CNTN6: variants seen among roughly 807,000 people sequenced by gnomAD.
CNTN6 encodes the protein contactin-6.
CNTN6 carries 137 observed loss-of-function variants against 122.8 expected under a neutral mutation model. The ratio of observed to expected loss-of-function variants is 1.12; its 90% CI spans 0.97 to 1.29. CNTN6 has a LOEUF of 1.29. CNTN6 is among the 50% of genes most tolerant of loss of function. The probability of loss-of-function intolerance (pLI) is 0.00; values close to 1 mark genes in which losing one functional copy is unlikely to be tolerated. For missense variants in CNTN6, 1,634 were observed against 1,223.4 expected (o/e 1.34, Z -5.01); for synonymous variants, 570 against 426.0 (o/e 1.34, Z -4.16).
intron 11 of CNTN6, among the ~76,000 whole-genome samples, chr3:1,343,966 T>C (rs772858602): frequency 6.6e-6 from 1 of 152,076 alleles, no homozygotes; most frequent in Non-Finnish European, 1.5e-5. Flanking sequence ...CAAAAACTTA[T>C]CTAAAAAGAA....
intron 11 of CNTN6, among the ~76,000 whole-genome samples, chr3:1,350,355 CA>C (rs902448833): frequency 2.6e-5 from 4 of 151,710 alleles, no homozygotes; most frequent in Admixed American, 2.6e-4. Context: ...AAACGTAAGG[CA>C]AAGTAATGGT....
chr3:1,201,353 G>A (rs1358633208), intron 2 of CNTN6, among the ~76,000 whole-genome samples: 1 of 151,994 alleles, frequency 6.6e-6, no homozygotes, highest in Non-Finnish European at 1.5e-5. Context: ...ATGTTTGACT[G>A]AATGGTTTTA....
intron 4 of CNTN6, among the ~76,000 whole-genome samples, chr3:1,261,789 G>C (rs2094850605): frequency 6.6e-6 from 1 of 152,074 alleles, no homozygotes; most frequent in African/African-American, 2.4e-5. Flanking sequence ...GAAAATTCAA[G>C]AAATTAGCTT....
In CNTN6 at chr3:1,183,326, A is replaced by G. The variant is rs3772362; in HGVS notation, c.55+35263A>G. On this transcript the variant is annotated intron_variant, in intron 2 of 22. Coordinates refer to ENST00000446702, the MANE Select transcript of CNTN6 (RefSeq NM_001289080.2). ...GCACTCAAAGACTTACTATGGCTTA[A>G]TATCTATTATTAATCAATTAGTATT... Among the ~76,000 whole-genome samples the G allele has an allele frequency of 8.7e-4, 133 of 152,320 alleles. 2 individuals are homozygous for G. The East Asian group carries it at 0.024, about 27-fold the overall frequency.
chr3:1,116,976 T>C (rs781021829), intron 1 of CNTN6, among the ~76,000 whole-genome samples: 10 of 152,108 alleles, frequency 6.6e-5, no homozygotes, highest in Non-Finnish European at 1.0e-4. Context: ...AATTTCCCTC[T>C]GTGGCTTCAC....
intron 2 of CNTN6, among the ~76,000 whole-genome samples, chr3:1,191,523 A>G (rs977159606): frequency 6.6e-6 from 1 of 152,086 alleles, no homozygotes; most frequent in African/African-American, 2.4e-5. Context: ...TGCACATAGG[A>G]CCCTTCTGGA....
At chr3:1,279,410 G>C (rs7615937) in intron 5 of CNTN6, among the ~76,000 whole-genome samples, 1 of 152,204 alleles carries the variant, frequency 6.6e-6, no homozygotes, top group East Asian at 1.9e-4. Context: ...ATAACAGCAA[G>C]GACTTACACA....
chr3:1,209,028 C>G (rs1355175321), intron 2 of CNTN6, among the ~76,000 whole-genome samples: 3 of 152,112 alleles, frequency 2.0e-5, no homozygotes, highest in Non-Finnish European at 4.4e-5. Context: ...TTATTTTGGT[C>G]TGGCTTTAAC....
chr3:1,249,786 T>A (rs1232493633), intron 4 of CNTN6, among the ~76,000 whole-genome samples: 3 of 152,220 alleles, frequency 2.0e-5, no homozygotes, highest in Non-Finnish European at 4.4e-5. Context: ...TAGTAGGGTA[T>A]GTCCCTTGAG....
At chr3:1,260,606 C>G (rs1292901067) in intron 4 of CNTN6, among the ~76,000 whole-genome samples, 1 of 152,020 alleles carries the variant, frequency 6.6e-6, no homozygotes, top group Non-Finnish European at 1.5e-5. Context: ...TTGGCTGTGT[C>G]CCTGCCCAAA....
At chr3:1,126,665 A>G (rs2092172241) in intron 1 of CNTN6, among the ~76,000 whole-genome samples, 1 of 151,886 alleles carries the variant, frequency 6.6e-6, no homozygotes, top group Admixed American at 6.6e-5. Context: ...TAGCACACTC[A>G]TCAATCAATA....
chr3:1,300,496 A>AGG, intron 7 of CNTN6, among the ~76,000 whole-genome samples: 2 of 119,818 alleles, frequency 1.7e-5, no homozygotes, highest in Non-Finnish European at 3.7e-5. Flanking sequence ...AGGAAGGAAA[A>AGG]AGAAAAGAAA....
chr3:1,364,088 CA>C (rs1413144085), intron 12 of CNTN6, among the ~76,000 whole-genome samples: 3 of 151,746 alleles, frequency 2.0e-5, no homozygotes, highest in East Asian at 1.9e-4. Flanking sequence ...TCAGTTTCTA[CA>C]GTTGGAAGGA....
intron 6 of CNTN6, among the ~76,000 whole-genome samples, chr3:1,296,762 G>A (rs532208969): frequency 3.3e-5 from 5 of 152,236 alleles, no homozygotes; most frequent in East Asian, 3.9e-4. Flanking sequence ...TTATTCCTAA[G>A]TCCAATTTAT....
At chr3:1,295,911 G>A (rs1013735162) in intron 6 of CNTN6, 107 bp downstream of exon 6, 13 of 935,988 alleles carry the variant, frequency 1.4e-5, no homozygotes, top group Middle Eastern at 3.0e-4. Context: ...GCCAAATTAC[G>A]AGTTTAGGTT....
At chr3:1,116,575 T>C (rs1192157374) in intron 1 of CNTN6, among the ~76,000 whole-genome samples, 1 of 152,054 alleles carries the variant, frequency 6.6e-6, no homozygotes, top group Non-Finnish European at 1.5e-5. Flanking sequence ...ATATGGAATA[T>C]GGATGGAAAG....
At chr3:1,093,696 C>T (rs1482566108) in intron 1 of CNTN6, among the ~76,000 whole-genome samples, 1 of 152,014 alleles carries the variant, frequency 6.6e-6, no homozygotes, top group Non-Finnish European at 1.5e-5. Flanking sequence ...TGCTTTATAC[C>T]CAGCTTCTAG....
chr3:1,108,959 A>T, intron 1 of CNTN6, among the ~76,000 whole-genome samples: 1 of 152,178 alleles, frequency 6.6e-6, no homozygotes, highest in East Asian at 1.9e-4. Context: ...AAATATTTAA[A>T]GCAATTGTAG....
chr3:1,205,115 G>T (rs2125447092), intron 2 of CNTN6, among the ~76,000 whole-genome samples: 1 of 152,232 alleles, frequency 6.6e-6, no homozygotes, highest in East Asian at 1.9e-4. Flanking sequence ...TCAACATGCT[G>T]TTCCTGATTT....
Sources: allele counts gnomAD v4.1 joint callset (sites outside exome capture counted in the v4.1 genomes callset), GRCh38; gene constraint gnomAD v4.1.1; transcripts MANE v1.5; gene names NCBI Gene and HGNC (gene_info 2026-07-23, HGNC 2026-07-21).